The following LMO7 variants were observed in gnomAD, a reference collection of about 807,000 sequenced individuals.
LMO7 encodes LIM domain 7, also known as LIM domain only protein 7.
A neutral mutation model predicts 206.5 loss-of-function variants in LMO7; 120 were observed. The observed-to-expected ratio is 0.58, with a 90% CI of 0.50 to 0.68. LMO7 has a LOEUF of 0.68. Among genes scored for constraint, LMO7 ranks in the 30% least tolerant of loss-of-function variants. The probability of loss-of-function intolerance (pLI) is 0.00; values close to 1 mark genes in which losing one functional copy is unlikely to be tolerated. For missense variants in LMO7, 1,959 were observed against 1,957.9 expected (o/e 1.00, Z -0.01); for synonymous variants, 706 against 681.5 (o/e 1.04, Z -0.56).
Position 75,636,565 on chromosome 13 carries a change from G to C in LMO7, c.-93G>C. The C allele has an allele frequency of 6.5e-7, 1 of 1,532,940 alleles. No individual in the cohort carries two copies. Among genetic ancestry groups the C allele is most frequent in the Non-Finnish European group, 8.7e-7 (1 of 1,145,006 alleles). The allele number at this position is 1,532,940 out of a possible 1,614,324, so 95.0% of individuals were successfully genotyped here. On this transcript the variant is annotated 5_prime_UTR_variant, in exon 1 of 31. Transcript: ENST00000377534. Reference sequence around the variant, plus strand: ...CGGAAGCCGGAGTTGTGGGAGGCCCGCGTGCCCTCCCCGCCCGTGGGGCCC... The same window carrying C: ...CGGAAGCCGGAGTTGTGGGAGGCCCCCGTGCCCTCCCCGCCCGTGGGGCCC...
intron 13 of LMO7, among the ~76,000 whole-genome samples, chr13:75,820,216 T>G (rs1268108710): frequency 6.6e-6 from 1 of 152,244 alleles, no homozygotes; most frequent in Non-Finnish European, 1.5e-5. Flanking sequence ...TTCATTCACT[T>G]AAATGCAATT....
At chr13:75,819,625 G>T in intron 13 of LMO7, 90 bp downstream of exon 13, 1 of 1,242,002 alleles carries the variant, frequency 8.1e-7, no homozygotes, top group Non-Finnish European at 1.1e-6. Flanking sequence ...TGTGACATAG[G>T]TGTCCACCAA....
intron 2 of LMO7, among the ~76,000 whole-genome samples, chr13:75,717,259 A>T (rs954352693): frequency 2.0e-5 from 3 of 149,454 alleles, no homozygotes; most frequent in African/African-American, 7.4e-5. Context: ...GCTACTCGGG[A>T]GGCTGAGGCA....
At chr13:75,764,330 G>A (rs893570594) in intron 4 of LMO7, among the ~76,000 whole-genome samples, 1 of 152,076 alleles carries the variant, frequency 6.6e-6, no homozygotes, top group Non-Finnish European at 1.5e-5. Flanking sequence ...CATCCATACT[G>A]AGCACATACT....
chr13:75,661,604 C>T (rs1053837232), intron 1 of LMO7, among the ~76,000 whole-genome samples: 1 of 152,170 alleles, frequency 6.6e-6, no homozygotes, highest in Non-Finnish European at 1.5e-5. Context: ...GGCATGAGTT[C>T]CAGCCACTGC....
In LMO7 at chr13:75,824,397, G is replaced by A. The variant is rs146688823; in HGVS notation, c.2949+524G>A. Reference sequence around the variant, plus strand: ...GTACTTTAGAACGTCTATAATTTTCGATGGTCCCTTGTCTCTAAATGGGAC... The same window carrying A: ...GTACTTTAGAACGTCTATAATTTTCAATGGTCCCTTGTCTCTAAATGGGAC... On this transcript the variant is annotated intron_variant, in intron 15 of 30. Coordinates refer to ENST00000377534, the MANE Select transcript of LMO7 (RefSeq NM_001306080.2). Among the ~76,000 whole-genome samples, 175 of 152,090 alleles carry A rather than the reference G, an allele frequency of 1.2e-3. 1 individual carries two copies. The highest frequency in any genetic ancestry group is 4.1e-3 in the African/African-American group (172 of 41,506).
chr13:75,833,668 A>C (rs1301968511), intron 16 of LMO7, among the ~76,000 whole-genome samples: 1 of 152,132 alleles, frequency 6.6e-6, no homozygotes, highest in African/African-American at 2.4e-5. Context: ...GCAAAACATT[A>C]CAAGGCCTAA....
rs367972855 is a variant in LMO7 at position 75,808,004 on chromosome 13, G to T, written c.1721G>T (p.Cys574Phe). ...CCATCCAAAGAAAAAAGTAATAGCTGTAGAATATTAGTTCCTTCATATCGG... is the reference window on the plus strand; with the variant it reads ...CCATCCAAAGAAAAAAGTAATAGCTTTAGAATATTAGTTCCTTCATATCGG... The part of the protein sequence containing the change: ...TCPSKEKSNS[C>F]RILVPSYRQK... The change falls in exon 10 of 31, where the codon TGT becomes TTT. Residue 574 changes from cysteine (C) to phenylalanine (F), a missense_variant. By Grantham distance (205) the Cys-to-Phe change is radical. Transcript: ENST00000377534. The T allele has an allele frequency of 7.4e-6, 12 of 1,613,736 alleles. No homozygotes were observed. Among genetic ancestry groups the T allele is most frequent in the Non-Finnish European group, 1.0e-5 (12 of 1,179,838 alleles).
At chr13:75,713,054 A>G in intron 1 of LMO7, 128 bp from the exon 2 acceptor site, 1 of 595,036 alleles carries the variant, frequency 1.7e-6, no homozygotes, top group Non-Finnish European at 3.0e-6. Context: ...AGATTATAGG[A>G]TATAACAGTC....
At chr13:75,641,489 A>T (rs2036523812) in intron 1 of LMO7, among the ~76,000 whole-genome samples, 1 of 152,168 alleles carries the variant, frequency 6.6e-6, no homozygotes, top group Non-Finnish European at 1.5e-5. Context: ...AAGATACAGA[A>T]TGCTTTTTAT....
At chr13:75,723,519 A>T (rs2044207366) in intron 2 of LMO7, among the ~76,000 whole-genome samples, 3 of 152,198 alleles carry the variant, frequency 2.0e-5, no homozygotes, top group Admixed American at 1.3e-4. Context: ...GAAAAATGAG[A>T]TTTGGCATTT....
intron 3 of LMO7, among the ~76,000 whole-genome samples, chr13:75,738,235 C>G (rs2139089783): frequency 6.6e-6 from 1 of 152,336 alleles, no homozygotes; most frequent in African/African-American, 2.4e-5. Flanking sequence ...TTCCATTACT[C>G]CTTTCTTACA....
At chr13:75,844,407 G>GT (rs1055037693) in intron 25 of LMO7, among the ~76,000 whole-genome samples, 9 of 147,508 alleles carry the variant, frequency 6.1e-5, no homozygotes, top group African/African-American at 2.0e-4. Flanking sequence ...TTTTTCTTTT[G>GT]TTTTTTTCTT....
chr13:75,759,551 A>C (rs1406804572), intron 3 of LMO7, among the ~76,000 whole-genome samples: 1 of 152,140 alleles, frequency 6.6e-6, no homozygotes, highest in Non-Finnish European at 1.5e-5. Context: ...TTGACTTGCA[A>C]GTTTCTTTAC....
chr13:75,798,352 A>G (rs1389813755), intron 6 of LMO7, among the ~76,000 whole-genome samples: 1 of 152,224 alleles, frequency 6.6e-6, no homozygotes, highest in Non-Finnish European at 1.5e-5. Flanking sequence ...CTCCGTCTCA[A>G]AAACAAACAA....
At chr13:75,748,812 TTTC>T (rs1340598579) in intron 3 of LMO7, among the ~76,000 whole-genome samples, 40 of 125,110 alleles carry the variant, frequency 3.2e-4, no homozygotes, top group South Asian at 9.8e-4. Flanking sequence ...TCTTTCTTTC[TTTC>T]TTTTTTTTTT....
intron 3 of LMO7, among the ~76,000 whole-genome samples, chr13:75,756,626 T>G (rs1215619376): frequency 3.3e-5 from 5 of 152,160 alleles, no homozygotes; most frequent in Non-Finnish European, 7.4e-5. Flanking sequence ...TGCCTTTCAT[T>G]TCTCTACTCT....
intron 15 of LMO7, among the ~76,000 whole-genome samples, chr13:75,827,515 T>C (rs7986246): frequency 0.66 from 100,727 of 151,612 alleles, 33,699 homozygotes; most frequent in Middle Eastern, 0.8. Flanking sequence ...GGGTTTTGTC[T>C]CTTGCTATTC....
chr13:75,726,550 A>G (rs939161688), intron 2 of LMO7, among the ~76,000 whole-genome samples: 1 of 152,150 alleles, frequency 6.6e-6, no homozygotes, highest in Admixed American at 6.6e-5. Context: ...CTAGTTCACT[A>G]TTTGTATGAG....
Sources: gnomAD v4.1 joint callset for allele counts (sites outside exome capture counted in the v4.1 genomes callset) on GRCh38, gnomAD v4.1.1 for gene constraint, MANE v1.5 for transcripts, NCBI Gene and HGNC (gene_info 2026-07-23, HGNC 2026-07-21) for gene names.